CTNNA2: variants seen among roughly 807,000 people sequenced by gnomAD.
The protein encoded by CTNNA2 is catenin alpha 2.
In CTNNA2, 42 loss-of-function variants were observed where a neutral mutation model predicts 101.0. The ratio of observed to expected loss-of-function variants is 0.42; its 90% CI spans 0.32 to 0.54. The LOEUF (loss-of-function observed/expected upper bound fraction) is 0.54. Ranked by LOEUF, CTNNA2 falls within the 20% of genes least tolerant of loss-of-function variation. The pLI is 0.14. For synonymous variants in CTNNA2, 450 were observed against 456.4 expected, an observed-to-expected ratio of 0.99 and a Z score of 0.18; for missense variants, 871 against 1,223.1, an observed-to-expected ratio of 0.71 and a Z score of 4.29.
At chr2:79,575,939 A>G (rs2103859534) in intron 1 of CTNNA2, among the ~76,000 whole-genome samples, 1 of 152,300 alleles carries the variant, frequency 6.6e-6, no homozygotes, top group Non-Finnish European at 1.5e-5. Context: ...AATCTTAACT[A>G]TCTCTCAGGA....
At chr2:80,343,464 A>G (rs11890946) in intron 7 of CTNNA2, among the ~76,000 whole-genome samples, 11,718 of 151,710 alleles carry the variant, frequency 0.077, 924 homozygotes, top group African/African-American at 0.2. Flanking sequence ...CCTGCAGAGA[A>G]AAAAGGATGA....
At chr2:80,175,985 C>T (rs970266124) in intron 7 of CTNNA2, among the ~76,000 whole-genome samples, 1 of 152,200 alleles carries the variant, frequency 6.6e-6, no homozygotes, top group African/African-American at 2.4e-5. Context: ...GTGCTGGCAG[C>T]TGACTAGATG....
intron 4 of CTNNA2, among the ~76,000 whole-genome samples, chr2:79,483,545 C>T (rs1030499983): frequency 2.6e-5 from 4 of 151,868 alleles, no homozygotes; most frequent in Non-Finnish European, 4.4e-5. Flanking sequence ...GGCTGGTGGA[C>T]CGAGGGCCTC....
chr2:80,002,986 T>G (rs2103970475), intron 7 of CTNNA2, among the ~76,000 whole-genome samples: 1 of 152,292 alleles, frequency 6.6e-6, no homozygotes, highest in East Asian at 1.9e-4. Flanking sequence ...GCTCAGATAT[T>G]TTCACATCTG....
intron 7 of CTNNA2, among the ~76,000 whole-genome samples, chr2:80,038,079 T>C (rs1373504936): frequency 6.6e-6 from 1 of 151,588 alleles, no homozygotes; most frequent in Non-Finnish European, 1.5e-5. Context: ...AAAAAAAAAC[T>C]GACTCCTGAT....
intron 7 of CTNNA2, among the ~76,000 whole-genome samples, chr2:79,951,660 G>A (rs564137817): frequency 2.2e-4 from 33 of 150,470 alleles, no homozygotes; most frequent in Non-Finnish European, 4.3e-4. Flanking sequence ...GTGAGACCCT[G>A]TCTCAAAAAT....
At chr2:80,471,239 CA>C (rs1389620274) in intron 9 of CTNNA2, among the ~76,000 whole-genome samples, 1 of 152,116 alleles carries the variant, frequency 6.6e-6, no homozygotes, top group African/African-American at 2.4e-5. Flanking sequence ...AGAATTCAGG[CA>C]AGAGACGATG....
chr2:80,045,078 T>C (rs1696427410), intron 7 of CTNNA2, among the ~76,000 whole-genome samples: 1 of 152,152 alleles, frequency 6.6e-6, no homozygotes, highest in South Asian at 2.1e-4. Flanking sequence ...TCCAGAGTAA[T>C]GGTCTCAGGG....
chr2:79,577,781 G>A (rs62140064), intron 1 of CTNNA2, among the ~76,000 whole-genome samples: 10 of 151,964 alleles, frequency 6.6e-5, no homozygotes, highest in Admixed American at 2.6e-4. Flanking sequence ...TTGTGAAACC[G>A]TTTCCTTCTT....
At chr2:79,392,213 C>T (rs796585156) in intron 4 of CTNNA2, among the ~76,000 whole-genome samples, 2 of 152,306 alleles carry the variant, frequency 1.3e-5, no homozygotes, top group East Asian at 3.9e-4. Flanking sequence ...ATTGCTGGTG[C>T]TTCTCACACT....
intron 4 of CTNNA2, among the ~76,000 whole-genome samples, chr2:79,413,872 A>C (rs935881230): frequency 1.4e-5 from 2 of 144,896 alleles, no homozygotes; most frequent in African/African-American, 5.1e-5. Flanking sequence ...TTTTTTGAGA[A>C]ATCTCTATTG....
chr2:80,549,360 TAA>T (rs1395898716), intron 11 of CTNNA2, among the ~76,000 whole-genome samples: 5 of 152,216 alleles, frequency 3.3e-5, no homozygotes, highest in African/African-American at 1.2e-4. Flanking sequence ...TCTACAGTCT[TAA>T]GTTTATTTTC....
chr2:80,111,283 T>A (rs1701194309), intron 7 of CTNNA2, among the ~76,000 whole-genome samples: 1 of 152,218 alleles, frequency 6.6e-6, no homozygotes, highest in Admixed American at 6.5e-5. Flanking sequence ...ATTCAGCATC[T>A]CACATTTAAA....
chr2:79,555,979 A>G (rs1018823861), intron 1 of CTNNA2, among the ~76,000 whole-genome samples: 9 of 152,070 alleles, frequency 5.9e-5, no homozygotes, highest in Non-Finnish European at 1.3e-4. Context: ...TTGCAAAGGT[A>G]CCTTTTTAAA....
chr2:79,434,537 G>A (rs1678693118), intron 4 of CTNNA2, among the ~76,000 whole-genome samples: 1 of 152,162 alleles, frequency 6.6e-6, no homozygotes, highest in African/African-American at 2.4e-5. Context: ...AGCTGAGTCT[G>A]GTCCTGCAGG....
intron 4 of CTNNA2, among the ~76,000 whole-genome samples, chr2:79,442,276 T>G (rs2104519349): frequency 6.6e-6 from 1 of 152,306 alleles, no homozygotes; most frequent in African/African-American, 2.4e-5. Flanking sequence ...CATAAACTCT[T>G]GAAGAATAGA....
rs536753942 is a variant in CTNNA2 at position 80,447,605 on chromosome 2, T to G, written c.1290+28004T>G. ...TTATTAAGCCTAGTGGGGGAAAAGC[T>G]CCTAGTGGAATTATTCCTCCTTTCC... On this transcript the variant is annotated intron_variant, in intron 9 of 18. Transcript: ENST00000402739. 3.9e-5 allele frequency among the ~76,000 whole-genome samples: 6 copies of G among 152,316 alleles called. No individual in the cohort carries two copies. The South Asian group carries it at 1.2e-3, about 32-fold the overall frequency.
At chr2:80,026,805 A>G (rs1475543139) in intron 7 of CTNNA2, among the ~76,000 whole-genome samples, 1 of 152,232 alleles carries the variant, frequency 6.6e-6, no homozygotes, top group Non-Finnish European at 1.5e-5. Flanking sequence ...TTAAAACAGT[A>G]TTCTCATAAG....
In CTNNA2 at chr2:80,546,076, A is replaced by G; in HGVS notation, c.1540+13A>G. On this transcript the variant is annotated intron_variant, in intron 11 of 18. Transcript: ENST00000402739. Reference sequence around the variant, plus strand: ...CTCTCTGTCTCAGGTAATCATCACAAACAGGTCCCTTACAAGGCAGCTGGA... The same window carrying G: ...CTCTCTGTCTCAGGTAATCATCACAGACAGGTCCCTTACAAGGCAGCTGGA... 1 of 1,613,342 alleles carries G rather than the reference A, an allele frequency of 6.2e-7. No individual in the cohort carries two copies.
Sources: gnomAD v4.1 joint callset for allele counts (sites outside exome capture counted in the v4.1 genomes callset) on GRCh38, gnomAD v4.1.1 for gene constraint, MANE v1.5 for transcripts, NCBI Gene and HGNC (gene_info 2026-07-23, HGNC 2026-07-21) for gene names.